RALGAPA1: variants seen among roughly 807,000 people sequenced by gnomAD.
RALGAPA1 encodes Ral GTPase activating protein catalytic subunit alpha 1, also known as ral GTPase-activating protein subunit alpha-1.
RALGAPA1 carries 52 observed loss-of-function variants against 269.6 expected under a neutral mutation model. That is an observed-to-expected ratio of 0.19 (90% CI 0.15 to 0.24). The LOEUF (loss-of-function observed/expected upper bound fraction) is 0.24, where lower values mean the gene tolerates loss of function less well. Among genes scored for constraint, RALGAPA1 ranks in the 10% least tolerant of loss-of-function variants. The pLI is 1.00. For missense variants in RALGAPA1, 1,917 were observed against 3,013.9 expected (o/e 0.64, Z 8.52); for synonymous variants, 817 against 1,008.3 (o/e 0.81, Z 3.60).
At chr14:35,658,011 A>C (rs535359703) in intron 28 of RALGAPA1, among the ~76,000 whole-genome samples, 9 of 152,308 alleles carry the variant, frequency 5.9e-5, no homozygotes, top group Non-Finnish European at 1.0e-4. Context: ...GCTTGCCTAC[A>C]TCCCCCGTCC....
chr14:35,681,764 C>T (rs1194817296), intron 21 of RALGAPA1, among the ~76,000 whole-genome samples: 1 of 152,152 alleles, frequency 6.6e-6, no homozygotes, highest in Non-Finnish European at 1.5e-5. Context: ...AGTTCCATCA[C>T]CATAAAGTTT....
chr14:35,601,610 T>C (rs985654816), intron 36 of RALGAPA1, among the ~76,000 whole-genome samples: 1 of 152,146 alleles, frequency 6.6e-6, no homozygotes, highest in Non-Finnish European at 1.5e-5. Flanking sequence ...CACCCATTGG[T>C]GTTTCTAGGT....
At chr14:35,600,232 C>CTTTCT (rs2059204630) in intron 36 of RALGAPA1, among the ~76,000 whole-genome samples, 1 of 86,948 alleles carries the variant, frequency 1.2e-5, no homozygotes, top group African/African-American at 4.4e-5. Flanking sequence ...TTCTTTTTTT[C>CTTTCT]TTTTTTTTTT....
intron 39 of RALGAPA1, among the ~76,000 whole-genome samples, chr14:35,567,980 G>A: frequency 6.6e-6 from 1 of 152,142 alleles, no homozygotes; most frequent in East Asian, 1.9e-4. Context: ...ATAGTGAACT[G>A]TGAAAGAGGC....
chr14:35,796,675 AAC>A (rs1382770832), intron 1 of RALGAPA1, among the ~76,000 whole-genome samples: 1 of 152,190 alleles, frequency 6.6e-6, no homozygotes, highest in Non-Finnish European at 1.5e-5. Context: ...TACAGATAAT[AAC>A]AGACTTCTTA....
In RALGAPA1 at chr14:35,635,538, G is replaced by A; in HGVS notation, c.5737C>T (p.Leu1913=). 6.2e-7 allele frequency: 1 copy of A among 1,609,118 alleles called. No individual in the cohort carries two copies. Among genetic ancestry groups the A allele is most frequent in the South Asian group, 1.1e-5 (1 of 89,812 alleles). ...CCCGTAGCATGAAATGGTTGGAGCA[G>A]TGTCTTTAGAGGTAAGGCCATGATC... ...DWIMALPLKT[L]LQPFHATGAE... The change falls in exon 32 of 42, where the codon CTG becomes TTG. Residue 1913 remains leucine (L), a synonymous_variant. Transcript: ENST00000680220.
At chr14:35,774,701 T>A (rs1047809333) in intron 3 of RALGAPA1, among the ~76,000 whole-genome samples, 1 of 152,158 alleles carries the variant, frequency 6.6e-6, no homozygotes, top group Non-Finnish European at 1.5e-5. Flanking sequence ...CAAAATCAAA[T>A]TTTCCATTTC....
At position 35,808,996 on chromosome 14, in the gene RALGAPA1, C is replaced by T. The variant is rs1424615045; in HGVS notation, c.-161G>A. 46 of 1,372,812 alleles carry T rather than the reference C, an allele frequency of 3.4e-5. No homozygotes were observed. Among genetic ancestry groups the T allele is most frequent in the Non-Finnish European group, 4.1e-5 (43 of 1,045,120 alleles). The allele number at this position is 1,372,812 out of a possible 1,614,324, so 85.0% of individuals were successfully genotyped here. A position where few individuals can be genotyped will look rare whatever the true frequency, so the allele number is the denominator to read the frequency against. ...AGAGCCGACTCCTTCCCGATCCAGG[C>T]CAGGGCCGCCACCTCCACCCGCCTC... On this transcript the variant is annotated 5_prime_UTR_variant, in exon 1 of 42. Coordinates refer to ENST00000680220, the MANE Select transcript of RALGAPA1 (RefSeq NM_001346249.2).
intron 37 of RALGAPA1, among the ~76,000 whole-genome samples, chr14:35,583,105 C>G (rs1220481965): frequency 6.6e-6 from 1 of 152,124 alleles, no homozygotes; most frequent in Non-Finnish European, 1.5e-5. Context: ...AGCATCAGAA[C>G]AGAATAAGCA....
At chr14:35,643,430 G>GTAT (rs2062164846) in intron 31 of RALGAPA1, among the ~76,000 whole-genome samples, 1 of 152,134 alleles carries the variant, frequency 6.6e-6, no homozygotes, top group Admixed American at 6.5e-5. Context: ...ATACACTGTT[G>GTAT]GTGGGAATTT....
In RALGAPA1 at chr14:35,688,821, T is replaced by C. The variant is rs2066209706; in HGVS notation, c.3590A>G (p.His1197Arg). The change falls in exon 18 of 42, where the codon CAT (histidine) becomes CGT (arginine). Residue 1197 changes from histidine (H) to arginine (R), a missense_variant. By Grantham distance (29) the His-to-Arg change is conservative (BLOSUM62 0). Transcript: ENST00000680220. ...GSSNSSTSNTHTSTNSATELV... is the reference protein window; with the variant it reads ...GSSNSSTSNTRTSTNSATELV... ...CTCTGTAGCACTATTTGTGCTGGTA[T>C]GGGTGTTGCTAGTGCTGCTATTGCT... 42 of 1,366,588 alleles carry C rather than the reference T, an allele frequency of 3.1e-5. No individual in the cohort carries two copies. The highest frequency in any genetic ancestry group is 4.0e-5 in the Non-Finnish European group (42 of 1,063,288). The allele number at this position is 1,366,588 out of a possible 1,614,324, so 84.7% of individuals were successfully genotyped here.
chr14:35,692,840 C>T lies in RALGAPA1; in HGVS notation c.2408-2837G>A, dbSNP rs564506403. ...TCTAATAAGCCTTACATTAGTTGAG[C>T]AAATATATACAGCTGAACTTTACTG... On this transcript the variant is annotated intron_variant, in intron 17 of 41. Transcript: ENST00000680220. 4.6e-5 allele frequency among the ~76,000 whole-genome samples: 7 copies of T among 151,934 alleles called. No individual in the cohort carries two copies. In the East Asian group the frequency reaches 9.6e-4, roughly 21 times the overall value.
rs1375584399 is a variant in RALGAPA1 at position 35,716,463 on chromosome 14, A to T, written c.2266+5225T>A. Among the ~76,000 whole-genome samples the T allele has an allele frequency of 3.3e-5, 5 of 151,692 alleles. No homozygotes were observed. The East Asian group carries it at 7.7e-4, about 23-fold the overall frequency. On this transcript the variant is annotated intron_variant, in intron 16 of 41. Coordinates refer to ENST00000680220, the MANE Select transcript of RALGAPA1 (RefSeq NM_001346249.2). ...CAGGTATACCTCCCCTAAATATTTC[A>T]GGATTCATCTACAGGTAAGATCATC...
At chr14:35,631,813 C>T (rs755728453) in intron 33 of RALGAPA1, among the ~76,000 whole-genome samples, 9 of 152,116 alleles carry the variant, frequency 5.9e-5, no homozygotes, top group Non-Finnish European at 1.2e-4. Flanking sequence ...AAAAATCATT[C>T]AATTTAAAGA....
rs1243454603 is a variant in RALGAPA1 at position 35,627,480 on chromosome 14, T to A, written c.6467A>T (p.Asp2156Val). Reference sequence around the variant, plus strand: ...AGAAAGTCCATCTTTTACGGTTATATCTTCTAAGCATTCATTAGATGTCGG... The same window carrying A: ...AGAAAGTCCATCTTTTACGGTTATAACTTCTAAGCATTCATTAGATGTCGG... ...EPPTSNECLE[D>V]ITVKDGLSLQ... Residue 2156 changes from aspartate to valine, a missense_variant, in exon 34 of 42, where the codon GAT becomes GTT. By Grantham distance (152) the Asp-to-Val change is radical (BLOSUM62 -3). This residue lies in a region of RALGAPA1 where 25 missense variants were observed against 19.2 expected (regional missense o/e 1.30). Coordinates refer to ENST00000680220, the MANE Select transcript of RALGAPA1 (RefSeq NM_001346249.2). The A allele has an allele frequency of 3.1e-6, 5 of 1,612,874 alleles. No homozygotes were observed. In the African/African-American group the frequency reaches 6.7e-5, roughly 22 times the overall value.
At chr14:35,565,576 C>G (rs752289482) in intron 39 of RALGAPA1, among the ~76,000 whole-genome samples, 1 of 152,020 alleles carries the variant, frequency 6.6e-6, no homozygotes, top group Non-Finnish European at 1.5e-5. Flanking sequence ...AACTCTTCCC[C>G]GAGTCTCCTA....
intron 41 of RALGAPA1, among the ~76,000 whole-genome samples, chr14:35,545,925 T>G (rs1171597043): frequency 6.6e-6 from 1 of 152,072 alleles, no homozygotes; most frequent in African/African-American, 2.4e-5. Context: ...ATGAAAAAAC[T>G]TTAAGAAGTC....
At chr14:35,800,231 A>T (rs1488482891) in intron 1 of RALGAPA1, among the ~76,000 whole-genome samples, 1 of 152,246 alleles carries the variant, frequency 6.6e-6, no homozygotes, top group East Asian at 1.9e-4. Flanking sequence ...AACACTAACA[A>T]GCAACTCGTC....
chr14:35,594,426 A>G (rs981401857), intron 37 of RALGAPA1, among the ~76,000 whole-genome samples: 1 of 152,160 alleles, frequency 6.6e-6, no homozygotes, highest in Non-Finnish European at 1.5e-5. Context: ...AATAGCAGAA[A>G]AGCAAATAAA....
Sources: allele counts gnomAD v4.1 joint callset (sites outside exome capture counted in the v4.1 genomes callset), GRCh38; gene constraint gnomAD v4.1.1; regional missense constraint gnomAD v4.1.1; transcripts MANE v1.5; gene names NCBI Gene and HGNC (gene_info 2026-07-23, HGNC 2026-07-21).